Variants in TBC1D5 observed in about 807,000 individuals in gnomAD.
TBC1D5 encodes the protein TBC1 domain family, member 5.
TBC1D5 carries 75 observed loss-of-function variants against 100.3 expected under a neutral mutation model. The observed-to-expected ratio is 0.75, with a 90% CI of 0.62 to 0.91. The LOEUF (loss-of-function observed/expected upper bound fraction) is 0.91. Ranked by LOEUF, TBC1D5 falls within the 40% of genes least tolerant of loss-of-function variation. The probability of loss-of-function intolerance (pLI) is 0.00; values close to 1 mark genes in which losing one functional copy is unlikely to be tolerated. For synonymous variants in TBC1D5, 323 were observed against 325.6 expected (o/e 0.99, Z 0.09); for missense variants, 910 against 942.4 (o/e 0.97, Z 0.45).
At chr3:17,526,495 T>A (rs541762882) in intron 2 of TBC1D5, among the ~76,000 whole-genome samples, 5 of 152,268 alleles carry the variant, frequency 3.3e-5, no homozygotes, top group Middle Eastern at 6.8e-3. Flanking sequence ...TGGCCCAGAA[T>A]CTACTACTAT....
chr3:17,166,658 T>C, intron 21 of TBC1D5, 109 bp downstream of exon 22: 2 of 1,447,772 alleles, frequency 1.4e-6, no homozygotes, highest in South Asian at 2.8e-5. Flanking sequence ...TTGAACTTCA[T>C]ACATGGTAAT....
At chr3:17,590,975 C>A (rs1158148681) in intron 2 of TBC1D5, among the ~76,000 whole-genome samples, 1 of 151,962 alleles carries the variant, frequency 6.6e-6, no homozygotes, top group African/African-American at 2.4e-5. Context: ...CACAGTGGCT[C>A]ACACCTGTAA....
chr3:17,540,539 C>A (rs59582994), intron 2 of TBC1D5, among the ~76,000 whole-genome samples: 10,429 of 152,062 alleles, frequency 0.069, 703 homozygotes, highest in African/African-American at 0.18. Flanking sequence ...TTACATGTGG[C>A]TATCCCGTTT....
intron 3 of TBC1D5, among the ~76,000 whole-genome samples, chr3:17,492,404 G>C (rs1233661766): frequency 1.3e-5 from 2 of 151,578 alleles, no homozygotes. Flanking sequence ...GATCTTCCTA[G>C]CTTTTTGTTA....
intron 18 of TBC1D5, among the ~76,000 whole-genome samples, chr3:17,193,543 T>C (rs2070251500): frequency 6.6e-6 from 1 of 152,222 alleles, no homozygotes; most frequent in Non-Finnish European, 1.5e-5. Flanking sequence ...CATGTAAGGT[T>C]CACAAAATTA....
At chr3:17,423,997 A>T (rs756752765) in intron 4 of TBC1D5, among the ~76,000 whole-genome samples, 2 of 152,182 alleles carry the variant, frequency 1.3e-5, no homozygotes, top group African/African-American at 2.4e-5. Context: ...GAGCCAACAA[A>T]TAAGTTATTT....
At chr3:17,336,444 G>A (rs562685065) in intron 13 of TBC1D5, among the ~76,000 whole-genome samples, 29 of 152,170 alleles carry the variant, frequency 1.9e-4, no homozygotes, top group Admixed American at 1.3e-3. Flanking sequence ...GAAGTCTGAA[G>A]TATGTGACTG....
At chr3:17,646,998 T>C (rs4908987) in intron 1 of TBC1D5, 88,883 of 151,916 alleles carry the variant, frequency 0.59, 26,694 homozygotes, top group East Asian at 0.99. Flanking sequence ...GAACATGCAG[T>C]ATTTTGTCCA....
chr3:17,444,704 G>A (rs557323531), intron 3 of TBC1D5, among the ~76,000 whole-genome samples: 31 of 152,102 alleles, frequency 2.0e-4, no homozygotes. Flanking sequence ...ATTTTCAAAT[G>A]CAGATCTATA....
intron 14 of TBC1D5, among the ~76,000 whole-genome samples, chr3:17,305,817 T>C (rs922464132): frequency 3.3e-5 from 5 of 152,182 alleles, no homozygotes; most frequent in Non-Finnish European, 5.9e-5. Context: ...AGTTCTCTGA[T>C]CCACTGTTTT....
intron 1 of TBC1D5, among the ~76,000 whole-genome samples, chr3:17,634,691 CAAT>C (rs912007925): frequency 2.7e-5 from 4 of 148,506 alleles, no homozygotes; most frequent in Admixed American, 2.7e-4. Context: ...TGATTACAGT[CAAT>C]AATAATTTAA....
intron 1 of TBC1D5, among the ~76,000 whole-genome samples, chr3:17,738,910 A>C (rs774836376): frequency 2.0e-5 from 3 of 152,220 alleles, no homozygotes; most frequent in Non-Finnish European, 4.4e-5. Flanking sequence ...ATGTTTACCT[A>C]ACATTTGTAG....
At chr3:17,565,535 C>A (rs2153487515) in intron 2 of TBC1D5, among the ~76,000 whole-genome samples, 1 of 152,124 alleles carries the variant, frequency 6.6e-6, no homozygotes, top group South Asian at 2.1e-4. Flanking sequence ...TGAAAAGAAT[C>A]AACTGCAAAG....
intron 2 of TBC1D5, among the ~76,000 whole-genome samples, chr3:17,551,763 A>G (rs1389753081): frequency 6.6e-6 from 1 of 152,182 alleles, no homozygotes; most frequent in Non-Finnish European, 1.5e-5. Context: ...TGAAAACAAC[A>G]AGCAATTTTT....
chr3:17,607,290 T>C (rs182330913), intron 2 of TBC1D5, among the ~76,000 whole-genome samples: 29 of 152,228 alleles, frequency 1.9e-4, no homozygotes, highest in Admixed American at 1.9e-3. Flanking sequence ...TTAACAAAAA[T>C]ATCCTTATAT....
chr3:17,448,267 T>C (rs1362345870), intron 3 of TBC1D5, among the ~76,000 whole-genome samples: 1 of 152,224 alleles, frequency 6.6e-6, no homozygotes, highest in East Asian at 1.9e-4. Flanking sequence ...CTTCCTCCAC[T>C]GAGGAGGTCT....
Position 17,718,269 on chromosome 3 carries a change from G to T in TBC1D5, c.-101+21074C>A, listed in dbSNP as rs562172543. Reference sequence around the variant, plus strand: ...TGTTATGAATGGACCTGTTTTTATTGGTTTGTTATTACTGTGAAATACATG... The same window carrying T: ...TGTTATGAATGGACCTGTTTTTATTTGTTTGTTATTACTGTGAAATACATG... On this transcript the variant is annotated intron_variant, in intron 1 of 21. Transcript: ENST00000253692. Among the ~76,000 whole-genome samples the T allele has an allele frequency of 6.6e-5, 10 of 152,198 alleles. No homozygotes were observed. In the South Asian group the frequency reaches 1.2e-3, roughly 19 times the overall value.
chr3:17,445,873 T>C (rs1021793192), intron 3 of TBC1D5, among the ~76,000 whole-genome samples: 2 of 152,202 alleles, frequency 1.3e-5, no homozygotes, highest in Non-Finnish European at 2.9e-5. Context: ...ACTATACTTA[T>C]ACAGTTGAGA....
At chr3:17,493,433 G>T (rs1410019715) in intron 3 of TBC1D5, among the ~76,000 whole-genome samples, 1 of 151,562 alleles carries the variant, frequency 6.6e-6, no homozygotes, top group African/African-American at 2.4e-5. Flanking sequence ...GATCTTCTCA[G>T]GAAATATCTT....
Sources: gnomAD v4.1 joint callset for allele counts (sites outside exome capture counted in the v4.1 genomes callset) on GRCh38, gnomAD v4.1.1 for gene constraint, MANE v1.5 for transcripts, NCBI Gene and HGNC (gene_info 2026-07-23, HGNC 2026-07-21) for gene names.